The following MATN2 variants were observed in gnomAD, a reference collection of about 807,000 sequenced individuals.
The protein encoded by MATN2 is matrilin-2.
Under a neutral mutation model 103.2 loss-of-function variants are expected in MATN2, and 69 were observed. The observed-to-expected ratio is 0.67, with a 90% CI of 0.55 to 0.82. The LOEUF (loss-of-function observed/expected upper bound fraction) is 0.82, where lower values mean the gene tolerates loss of function less well. Among genes scored for constraint, MATN2 ranks in the 40% least tolerant of loss-of-function variants. The pLI, the probability that MATN2 is intolerant of heterozygous loss-of-function variation, is 0.00. For missense variants in MATN2, 1,023 were observed against 1,211.5 expected, an observed-to-expected ratio of 0.84 and a Z score of 2.31; for synonymous variants, 429 against 450.2, an observed-to-expected ratio of 0.95 and a Z score of 0.60.
chr8:97,972,615 C>G (rs1811699321), intron 5 of MATN2, among the ~76,000 whole-genome samples: 1 of 152,216 alleles, frequency 6.6e-6, no homozygotes, highest in African/African-American at 2.4e-5. Context: ...CAGACGGAGT[C>G]CTGCTGAGAA....
At position 97,931,869 on chromosome 8, in the gene MATN2, A is replaced by AT. The variant is rs1563675713; in HGVS notation, c.712+353dup. 1.3e-5 allele frequency among the ~76,000 whole-genome samples: 2 copies of AT among 152,002 alleles called. No homozygotes were observed. The highest frequency in any genetic ancestry group is 2.9e-5 in the Non-Finnish European group (2 of 68,004). On this transcript the variant is annotated intron_variant, in intron 3 of 18. Transcript: ENST00000254898. The surrounding 1 kb of genome is among the most constrained non-coding windows in gnomAD (Gnocchi z 4.1). ...AGGTGTGCACCACCATGCCTGGCTT[A>AT]TTTTTTAACTATTTGTAGAGACAAC...
intron 6 of MATN2, among the ~76,000 whole-genome samples, chr8:97,983,632 A>G (rs917461048): frequency 5.3e-5 from 8 of 152,270 alleles, no homozygotes; most frequent in African/African-American, 1.9e-4. Flanking sequence ...AATTGCGGAC[A>G]CCATCTTTTG....
chr8:97,944,282 C>T (rs1033393868), intron 4 of MATN2, among the ~76,000 whole-genome samples: 2 of 152,224 alleles, frequency 1.3e-5, no homozygotes, highest in Non-Finnish European at 1.5e-5. Context: ...ATTCACTGGC[C>T]TCAGGCAGTG....
intron 6 of MATN2, among the ~76,000 whole-genome samples, chr8:97,989,536 T>C (rs1812324050): frequency 6.6e-6 from 1 of 151,114 alleles, no homozygotes; most frequent in South Asian, 2.1e-4. Flanking sequence ...GAAAAAACTA[T>C]CAGCTAACAT....
chr8:97,916,941 C>CT lies in MATN2; in HGVS notation c.143-14004dup, dbSNP rs201652373. Among the ~76,000 whole-genome samples the CT allele has an allele frequency of 1.0e-3, 152 of 152,008 alleles. No homozygotes were observed. In the South Asian group the frequency reaches 0.019, roughly 19 times the overall value. ...TGTGATGTGGCGTGTTTTTCCTTTC[C>CT]TTTTTTTTCCTTTCCATTTTGCTGG... is the stretch of plus-strand genomic sequence containing the variant. On this transcript the variant is annotated intron_variant, in intron 2 of 18. Transcript: ENST00000254898.
intron 8 of MATN2, 57 bp downstream of exon 8, chr8:98,003,840 G>A (rs747130844): frequency 1.6e-5 from 25 of 1,605,660 alleles, no homozygotes; most frequent in African/African-American, 9.4e-5. Flanking sequence ...TCATGGGGGC[G>A]GGCGGGTTCA....
At chr8:98,032,064 AG>A in intron 15 of MATN2, 181 bp from the exon 16 acceptor site, 1 of 549,256 alleles carries the variant, frequency 1.8e-6, no homozygotes, top group Non-Finnish European at 3.2e-6. Flanking sequence ...GAATTGCCCT[AG>A]AGTGGTCATA....
Position 97,920,636 on chromosome 8 carries a change from G to A in MATN2, c.143-10317G>A, listed in dbSNP as rs767061977. Among the ~76,000 whole-genome samples the A allele has an allele frequency of 2.7e-4, 41 of 152,306 alleles. 1 individual carries two copies. The highest frequency in any genetic ancestry group is 5.6e-4 in the Non-Finnish European group (38 of 68,034). On this transcript the variant is annotated intron_variant, in intron 2 of 18. Transcript: ENST00000254898. The stretch of plus-strand genomic sequence containing the variant: ...ATTAAAGTCCATTTTTGTCAGGAGA[G>A]TCTCTCTCTGGGAAAGCCATTGATG...
intron 2 of MATN2, among the ~76,000 whole-genome samples, chr8:97,892,164 G>T (rs1243310623): frequency 2.0e-5 from 3 of 150,096 alleles, no homozygotes; most frequent in African/African-American, 2.5e-5. Context: ...TTGAACCCGG[G>T]AGGCGGAGGT....
At chr8:97,970,448 C>A in intron 5 of MATN2, among the ~76,000 whole-genome samples, 1 of 152,186 alleles carries the variant, frequency 6.6e-6, no homozygotes, top group Admixed American at 6.5e-5. Context: ...AGTAGATTTT[C>A]AGTTTCAACA....
intron 2 of MATN2, among the ~76,000 whole-genome samples, chr8:97,921,893 G>A (rs1441148733): frequency 2.6e-5 from 4 of 151,762 alleles, no homozygotes; most frequent in Non-Finnish European, 4.4e-5. Context: ...ATCTCAGTCC[G>A]TGGCCTGTTA....
chr8:98,003,131 G>A (rs1258355403), intron 7 of MATN2, among the ~76,000 whole-genome samples: 1 of 150,400 alleles, frequency 6.6e-6, no homozygotes, highest in Non-Finnish European at 1.5e-5. Flanking sequence ...CCTCATCCCC[G>A]GGCATTTGTG....
At chr8:97,891,576 G>A (rs1459183345) in intron 2 of MATN2, among the ~76,000 whole-genome samples, 1 of 151,946 alleles carries the variant, frequency 6.6e-6, no homozygotes, top group East Asian at 1.9e-4. Context: ...GGGCTCAAGC[G>A]ATCCTCCCCC....
At chr8:98,009,562 G>GGAT (rs1379869255) in intron 10 of MATN2, among the ~76,000 whole-genome samples, 1 of 152,158 alleles carries the variant, frequency 6.6e-6, no homozygotes, top group Non-Finnish European at 1.5e-5. Context: ...AGGGGCCCTG[G>GGAT]GATGAGATGG....
intron 2 of MATN2, among the ~76,000 whole-genome samples, chr8:97,903,840 A>G (rs1819072457): frequency 6.6e-6 from 1 of 152,210 alleles, no homozygotes; most frequent in South Asian, 2.1e-4. Flanking sequence ...CACTTGATCC[A>G]TCCTTGTAGG....
At chr8:97,890,003 A>G (rs1040525713) in intron 2 of MATN2, among the ~76,000 whole-genome samples, 4 of 152,132 alleles carry the variant, frequency 2.6e-5, no homozygotes. Context: ...TGCATCCAGC[A>G]TTGATTCCTT....
chr8:97,977,198 T>TG (rs1216196276), intron 5 of MATN2, among the ~76,000 whole-genome samples: 1 of 116,976 alleles, frequency 8.5e-6, no homozygotes, highest in Non-Finnish European at 1.6e-5. Flanking sequence ...GTGGTGCCAC[T>TG]GCACTCCAGC....
chr8:97,920,539 G>C (rs1381596635), intron 2 of MATN2, among the ~76,000 whole-genome samples: 1 of 152,148 alleles, frequency 6.6e-6, no homozygotes, highest in African/African-American at 2.4e-5. Flanking sequence ...GTCATTTCTG[G>C]TTCTTGGGAC....
intron 2 of MATN2, among the ~76,000 whole-genome samples, chr8:97,926,439 C>T (rs957158463): frequency 7.9e-5 from 12 of 152,244 alleles, no homozygotes; most frequent in African/African-American, 2.9e-4. Context: ...CAGGTATTTG[C>T]AAAGCTCCTA....
Sources: allele counts gnomAD v4.1 joint callset (sites outside exome capture counted in the v4.1 genomes callset), GRCh38; gene constraint gnomAD v4.1.1; non-coding constraint Gnocchi (gnomAD v3.1); transcripts MANE v1.5; gene names NCBI Gene and HGNC (gene_info 2026-07-23, HGNC 2026-07-21).